Variants in DLG5 observed in about 807,000 individuals in gnomAD.
The protein encoded by DLG5 is discs large MAGUK scaffold protein 5, also known as disks large homolog 5.
In DLG5, 48 loss-of-function variants were observed where a neutral mutation model predicts 189.8. That is an observed-to-expected ratio of 0.25 (90% CI 0.20 to 0.32). The LOEUF is 0.32. DLG5 is among the 10% of genes least tolerant of loss of function. DLG5 has a pLI of 1.00. For missense variants in DLG5, 2,160 were observed against 2,544.7 expected, an observed-to-expected ratio of 0.85 and a Z score of 3.25; for synonymous variants, 1,016 against 1,054.1, an observed-to-expected ratio of 0.96 and a Z score of 0.70.
At chr10:77,819,553 C>T (rs771489452) in intron 16 of DLG5, 88 bp from the exon 17 acceptor site, 3 of 1,478,140 alleles carry the variant, frequency 2.0e-6, no homozygotes, top group Non-Finnish European at 1.8e-6. Flanking sequence ...TCCCAGGACG[C>T]AGCCGCAGTC....
chr10:77,833,628 T>C (rs1169812135), intron 9 of DLG5, among the ~76,000 whole-genome samples: 1 of 152,238 alleles, frequency 6.6e-6, no homozygotes, highest in Admixed American at 6.5e-5. Context: ...GATGGACTGC[T>C]TGGGAACAGG....
At chr10:77,835,398 G>A (rs180854767) in intron 8 of DLG5, among the ~76,000 whole-genome samples, 12 of 152,252 alleles carry the variant, frequency 7.9e-5, no homozygotes, top group East Asian at 5.8e-4. Context: ...GTAGGCGCCC[G>A]GTGAATACTG....
Position 77,802,053 on chromosome 10 carries a change from G to C in DLG5, c.5164+3612C>G, listed in dbSNP as rs1346042300. Among the ~76,000 whole-genome samples, 3 of 152,164 alleles carry C rather than the reference G, an allele frequency of 2.0e-5. No individual in the cohort carries two copies. In the East Asian group the frequency reaches 5.8e-4, roughly 29 times the overall value. The stretch of plus-strand genomic sequence containing the variant: ...ATGACAGTGATGTGGCCACAGCAAA[G>C]GCTTGGCAGCAGCCACCAGAAGCTG... On this transcript the variant is annotated intron_variant, in intron 27 of 31. Transcript: ENST00000372391.
rs1840828503 is a variant in DLG5, at chr10:77,794,856, G to A, written c.5539C>T (p.His1847Tyr). ...AGGGGGCCAGTTACCTACTTGATGT[G>A]CTTGGCGCTCTTGTAGTGGATGAAG... ...VIFIHYKSAK[H>Y]IKEQRDPIYL... The change falls in exon 30 of 32, where the codon CAC becomes TAC. Residue 1847 changes from histidine (H) to tyrosine (Y), a missense_variant. This residue lies in a region of DLG5 where 574 missense variants were observed against 644.2 expected (regional missense o/e 0.89). Transcript: ENST00000372391. 6.2e-7 allele frequency: 1 copy of A among 1,613,820 alleles called. No homozygotes were observed. The highest frequency in any genetic ancestry group is 8.5e-7 in the Non-Finnish European group (1 of 1,179,904).
In DLG5 at chr10:77,809,585, C is replaced by T; in HGVS notation, c.4609G>A (p.Gly1537Ser). ...AEVEDDSPAKGPDGLVPGDLI... is the reference protein window; with the variant it reads ...AEVEDDSPAKSPDGLVPGDLI... ...TCCCCTGGCACGAGGCCGTCAGGAC[C>T]CTTGGCAGGACTGTCATCCTCCACC... is the stretch of plus-strand genomic sequence containing the variant. The change falls in exon 24 of 32, where the codon GGT (glycine) becomes AGT (serine). Residue 1537 changes from glycine (G) to serine (S), a missense_variant. Physicochemically the swap from Gly to Ser is moderately conservative, Grantham distance 56. This residue lies in a region of DLG5 where 574 missense variants were observed against 644.2 expected (regional missense o/e 0.89). Transcript: ENST00000372391. 1 of 1,614,096 alleles carries T rather than the reference C, an allele frequency of 6.2e-7. No homozygotes were observed. The highest frequency in any genetic ancestry group is 2.2e-5 in the East Asian group (1 of 44,872).
rs138346637 is a variant in DLG5, at chr10:77,819,650, G to C, written c.3527-185C>G. On this transcript the variant is annotated intron_variant, in intron 16 of 31. Coordinates refer to ENST00000372391, the MANE Select transcript of DLG5 (RefSeq NM_004747.4). Reference sequence around the variant, plus strand: ...CTGGCCTGTCTCCATTTGTAAAAAGGGGGGAAGTCTCTTTCATGCTTCCTA... The same window carrying C: ...CTGGCCTGTCTCCATTTGTAAAAAGCGGGGAAGTCTCTTTCATGCTTCCTA... 1.6e-5 allele frequency: 17 copies of C among 1,034,200 alleles called. No individual in the cohort carries two copies. The East Asian group carries it at 3.4e-4, about 21-fold the overall frequency. The allele number at this position is 1,034,200 out of a possible 1,614,324, so 64.1% of individuals were successfully genotyped here. A position where few individuals can be genotyped will look rare whatever the true frequency, so the allele number is the denominator to read the frequency against.
chr10:77,829,330 T>C, intron 12 of DLG5, 25 bp downstream of exon 12: 2 of 1,612,818 alleles, frequency 1.2e-6, no homozygotes, highest in Non-Finnish European at 1.7e-6. Context: ...CCTGAGGCAC[T>C]CTGCCATGTT....
chr10:77,794,873 T>C lies in DLG5; in HGVS notation c.5522A>G (p.His1841Arg), dbSNP rs759540174. 43 of 1,613,848 alleles carry C rather than the reference T, an allele frequency of 2.7e-5. No homozygotes were observed. Among genetic ancestry groups the C allele is most frequent in the Non-Finnish European group, 3.6e-5 (43 of 1,179,988 alleles). ...CTTGATGTGCTTGGCGCTCTTGTAG[T>C]GGATGAAGATGACAATGGGGTAGAT... ...MHIYPIVIFI[H>R]YKSAKHIKEQ... The change falls in exon 30 of 32, where the codon CAC becomes CGC. Residue 1841 changes from histidine (H) to arginine (R), a missense_variant. His to Arg is a conservative substitution (Grantham distance 29). This residue lies in a region of DLG5 where 574 missense variants were observed against 644.2 expected (regional missense o/e 0.89). Coordinates refer to ENST00000372391, the MANE Select transcript of DLG5 (RefSeq NM_004747.4).
chr10:77,831,483 T>C (rs964699193), intron 9 of DLG5, among the ~76,000 whole-genome samples: 2 of 152,178 alleles, frequency 1.3e-5, no homozygotes, highest in African/African-American at 2.4e-5. Context: ...CTAAAATGTA[T>C]ACAAAAAGGC....
intron 27 of DLG5, among the ~76,000 whole-genome samples, chr10:77,803,282 A>T (rs759476635): frequency 6.6e-6 from 1 of 152,190 alleles, no homozygotes; most frequent in African/African-American, 2.4e-5. Context: ...AACAATCAAG[A>T]CTGCCACAGG....
chr10:77,821,875 T>C lies in DLG5; in HGVS notation c.2609A>G (p.Lys870Arg), dbSNP rs775469372. 5 of 1,614,156 alleles carry C rather than the reference T, an allele frequency of 3.1e-6. No homozygotes were observed. Among genetic ancestry groups the C allele is most frequent in the Non-Finnish European group, 4.2e-6 (5 of 1,180,010 alleles). Residue 870 changes from lysine to arginine, a missense_variant, in exon 15 of 32, where the codon AAG (lysine) becomes AGG (arginine). Physicochemically the swap from Lys to Arg is conservative, Grantham distance 26. Coordinates refer to ENST00000372391, the MANE Select transcript of DLG5 (RefSeq NM_004747.4). ...CTGCAAGGGTCCCCCAGGGAATGGC[T>C]TATGCAGAAAGGAGCTGCTGCCTCC... ...PPGGSSSFLH[K>R]PFPGGPLQVC...
chr10:77,811,068 G>A (rs1841742838), intron 23 of DLG5, 26 bp downstream of exon 23: 1 of 1,606,562 alleles, frequency 6.2e-7, no homozygotes, highest in Admixed American at 1.7e-5. Context: ...CGGACACAGG[G>A]AAGGCTCACA....
At chr10:77,866,584 T>C (rs979677189) in intron 2 of DLG5, among the ~76,000 whole-genome samples, 1 of 152,120 alleles carries the variant, frequency 6.6e-6, no homozygotes, top group African/African-American at 2.4e-5. Flanking sequence ...AACTAGAAAT[T>C]TAAATTTCAT....
intron 1 of DLG5, among the ~76,000 whole-genome samples, chr10:77,870,836 G>A (rs1443609916): frequency 6.6e-6 from 1 of 152,146 alleles, no homozygotes; most frequent in African/African-American, 2.4e-5. Flanking sequence ...GGAGGCCCCT[G>A]GGGGACAGGA....
intron 31 of DLG5, 93 bp downstream of exon 31, chr10:77,793,915 T>C (rs2812425): frequency 0.69 from 782,796 of 1,136,814 alleles, 271,700 homozygotes; most frequent in African/African-American, 0.87. Context: ...ATGTAGAAAG[T>C]GCGGGCTTCT....
At chr10:77,929,060 CAG>C (rs1255947290), upstream of DLG5, 1 of 151,940 alleles carries the variant, frequency 6.6e-6, no homozygotes, top group African/African-American at 2.4e-5. Flanking sequence ...TTTTTTGAGA[CAG>C]AGTCTCACTC....
At chr10:77,856,486 A>C (rs1028880780) in intron 3 of DLG5, among the ~76,000 whole-genome samples, 5 of 149,596 alleles carry the variant, frequency 3.3e-5, no homozygotes, top group Non-Finnish European at 7.4e-5. Context: ...ACACGAGCTG[A>C]CTTTGCACAC....
chr10:77,913,817 G>A (rs1292902014), intron 1 of DLG5, among the ~76,000 whole-genome samples: 1 of 152,032 alleles, frequency 6.6e-6, no homozygotes, highest in African/African-American at 2.4e-5. Flanking sequence ...TCAAACTCCT[G>A]GGCTCAAGGA....
intron 20 of DLG5, among the ~76,000 whole-genome samples, chr10:77,815,545 A>G (rs867411939): frequency 6.6e-6 from 1 of 152,168 alleles, no homozygotes; most frequent in African/African-American, 2.4e-5. Context: ...CTGTAATCTC[A>G]GCTACTCAGG....
Sources: allele counts gnomAD v4.1 joint callset (sites outside exome capture counted in the v4.1 genomes callset), GRCh38; gene constraint gnomAD v4.1.1; regional missense constraint gnomAD v4.1.1; transcripts MANE v1.5; gene names NCBI Gene and HGNC (gene_info 2026-07-23, HGNC 2026-07-21).